Variants in ABCB4 observed in about 807,000 individuals in gnomAD.
ABCB4 encodes the protein ATP binding cassette subfamily B member 4.
In ABCB4, 76 loss-of-function variants were observed where a neutral mutation model predicts 145.7. The ratio of observed to expected loss-of-function variants is 0.52; its 90% CI spans 0.43 to 0.63. ABCB4 has a LOEUF of 0.63. Ranked by LOEUF, ABCB4 falls within the 30% of genes least tolerant of loss-of-function variation. The pLI, the probability that ABCB4 is intolerant of heterozygous loss-of-function variation, is 0.00. For synonymous variants in ABCB4, 517 were observed against 566.8 expected, an observed-to-expected ratio of 0.91 and a Z score of 1.25; for missense variants, 1,234 against 1,553.1, an observed-to-expected ratio of 0.79 and a Z score of 3.45.
chr7:87,462,772 T>A lies in ABCB4; in HGVS notation c.272A>T (p.Asn91Ile). 6.2e-7 allele frequency: 1 copy of A among 1,613,984 alleles called. No individual in the cohort carries two copies. Among genetic ancestry groups the A allele is most frequent in the Non-Finnish European group, 8.5e-7 (1 of 1,179,916 alleles). ...MTDKFVDTAGNFSFPVNFSLS... is the reference protein window; with the variant it reads ...MTDKFVDTAGIFSFPVNFSLS... The stretch of plus-strand genomic sequence containing the variant: ...GAAATGCTTACCTGGAAAGGAGAAG[T>A]TTCCTGCAGTATCAACAAATTTGTC... Residue 91 changes from asparagine (N) to isoleucine (I), a missense_variant, in exon 4 of 28, where the codon AAC becomes ATC. By Grantham distance (149) the Asn-to-Ile change is moderately radical. This residue lies in a region of ABCB4 where 467 missense variants were observed against 632.8 expected (regional missense o/e 0.74). Transcript: ENST00000649586.
chr7:87,464,198 G>A (rs1475972537), intron 3 of ABCB4, among the ~76,000 whole-genome samples: 2 of 152,164 alleles, frequency 1.3e-5, no homozygotes, highest in Non-Finnish European at 2.9e-5. Flanking sequence ...TGAGGTTAGA[G>A]GCACATGGTG....
At chr7:87,375,814 T>A in the ABCB4 span, 1 of 1,613,108 alleles carries the variant, frequency 6.2e-7, no homozygotes, top group Non-Finnish European at 8.5e-7. Flanking sequence ...GATCATCATC[T>A]CCTTGCCCTT....
chr7:87,393,914 T>A, the ABCB4 span, among the ~76,000 whole-genome samples: 1 of 152,112 alleles, frequency 6.6e-6, no homozygotes, highest in Non-Finnish European at 1.5e-5. Flanking sequence ...TTGAAAAAAC[T>A]CAAAACTGTG....
At chr7:87,394,273 C>G in the ABCB4 span, among the ~76,000 whole-genome samples, 1 of 152,180 alleles carries the variant, frequency 6.6e-6, no homozygotes, top group East Asian at 1.9e-4. Flanking sequence ...CTAATCATCT[C>G]TGCAGAAGCA....
At chr7:87,459,801 T>C (rs967883320) in intron 4 of ABCB4, among the ~76,000 whole-genome samples, 10 of 152,176 alleles carry the variant, frequency 6.6e-5, no homozygotes, top group African/African-American at 2.2e-4. Context: ...CAAGAGATAA[T>C]ATCTGCGACA....
chr7:87,439,382 T>C (rs1810819672), intron 14 of ABCB4, among the ~76,000 whole-genome samples: 1 of 152,024 alleles, frequency 6.6e-6, no homozygotes, highest in Non-Finnish European at 1.5e-5. Context: ...CTACTTTTGG[T>C]CAAAAGTAGT....
At chr7:87,366,084 TG>T in the ABCB4 span, among the ~76,000 whole-genome samples, 1 of 152,184 alleles carries the variant, frequency 6.6e-6, no homozygotes, top group African/African-American at 2.4e-5. Context: ...CCCATTGCTC[TG>T]ATCTACCCTC....
At position 87,417,404 on chromosome 7, in the gene ABCB4, C is replaced by T; in HGVS notation, c.2590G>A (p.Val864Ile). The T allele has an allele frequency of 6.2e-7, 1 of 1,614,086 alleles. No homozygotes were observed. The highest frequency in any genetic ancestry group is 8.5e-7 in the Non-Finnish European group (1 of 1,179,994). ...WQLTLLLLAV[V>I]PIIAVSGIVE... ...ATTCCTGACACAGCAATAATTGGAA[C>T]AACTGCTAATAGCAATAGGGTTAAC... Residue 864 changes from valine to isoleucine, a missense_variant, in exon 21 of 28, where the codon GTT becomes ATT. Physicochemically the swap from Val to Ile is conservative, Grantham distance 29 (BLOSUM62 3). Coordinates refer to ENST00000649586, the MANE Select transcript of ABCB4 (RefSeq NM_000443.4).
chr7:87,473,530 T>C (rs1369343191), intron 2 of ABCB4, among the ~76,000 whole-genome samples: 1 of 151,920 alleles, frequency 6.6e-6, no homozygotes, highest in Admixed American at 6.6e-5. Flanking sequence ...AAATATTACC[T>C]TTAAAATAAG....
chr7:87,440,926 G>T (rs1431597922), intron 12 of ABCB4, among the ~76,000 whole-genome samples: 1 of 152,100 alleles, frequency 6.6e-6, no homozygotes, highest in East Asian at 1.9e-4. Flanking sequence ...ATTTTTAGTA[G>T]AGACGGTGTT....
At chr7:87,451,087 T>C (rs1196288469) in intron 7 of ABCB4, among the ~76,000 whole-genome samples, 1 of 152,162 alleles carries the variant, frequency 6.6e-6, no homozygotes, top group Non-Finnish European at 1.5e-5. Flanking sequence ...GGAAATGTTA[T>C]ATTTTAAAGT....
intron 16 of ABCB4, among the ~76,000 whole-genome samples, chr7:87,425,124 T>C (rs749967460): frequency 6.6e-6 from 1 of 152,116 alleles, no homozygotes; most frequent in African/African-American, 2.4e-5. Flanking sequence ...TGGTTACTGC[T>C]CTTCAGCACA....
At chr7:87,449,895 A>C (rs1811594011) in intron 8 of ABCB4, 73 bp downstream of exon 8, 1 of 1,611,804 alleles carries the variant, frequency 6.2e-7, no homozygotes, top group Non-Finnish European at 8.5e-7. Flanking sequence ...GGTAAAAAAC[A>C]CATACCACAA....
intron 15 of ABCB4, among the ~76,000 whole-genome samples, chr7:87,430,301 T>C (rs576655812): frequency 6.6e-6 from 1 of 152,294 alleles, no homozygotes; most frequent in South Asian, 2.1e-4. Flanking sequence ...TCTGAAATGT[T>C]AAGAAAAAAG....
chr7:87,392,816 T>C, the ABCB4 span: 1 of 1,613,368 alleles, frequency 6.2e-7, no homozygotes, highest in African/African-American at 1.3e-5. Context: ...CCCACTTTTT[T>C]CCAAAAGGTA....
chr7:87,420,354 A>G (rs1034865024), intron 18 of ABCB4, among the ~76,000 whole-genome samples: 2 of 152,134 alleles, frequency 1.3e-5, no homozygotes, highest in African/African-American at 2.4e-5. Context: ...ACACCACCCC[A>G]TGGCAGGATC....
the ABCB4 span, among the ~76,000 whole-genome samples, chr7:87,387,524 G>A: frequency 4.0e-5 from 6 of 151,696 alleles, no homozygotes; most frequent in Admixed American, 3.3e-4. Context: ...CAAGCCCCCA[G>A]TGCATTAGAA....
At chr7:87,452,667 G>T (rs888722319) in intron 6 of ABCB4, 5 of 499,198 alleles carry the variant, frequency 1.0e-5, no homozygotes, top group Middle Eastern at 5.6e-4. Flanking sequence ...TGACAGTCTA[G>T]CACCTGTCAC....
intron 16 of ABCB4, among the ~76,000 whole-genome samples, chr7:87,425,735 G>T (rs904745764): frequency 6.6e-6 from 1 of 151,862 alleles, no homozygotes; most frequent in Non-Finnish European, 1.5e-5. Context: ...AATTAGCCAG[G>T]TGTGGTGGCA....
Sources: gnomAD v4.1 joint callset for allele counts (sites outside exome capture counted in the v4.1 genomes callset) on GRCh38, gnomAD v4.1.1 for gene constraint, gnomAD v4.1.1 regional missense constraint, MANE v1.5 for transcripts, NCBI Gene and HGNC (gene_info 2026-07-23, HGNC 2026-07-21) for gene names.